The following SLC2A5 variants were observed in gnomAD, a reference collection of about 807,000 sequenced individuals.
SLC2A5 encodes solute carrier family 2, facilitated glucose transporter member 5.
SLC2A5 carries 56 observed loss-of-function variants against 50.3 expected under a neutral mutation model. The observed-to-expected ratio is 1.11, with a 90% CI of 0.90 to 1.39. The LOEUF (loss-of-function observed/expected upper bound fraction) is 1.39. Among genes scored for constraint, SLC2A5 ranks in the 40% most tolerant of loss-of-function variants. SLC2A5 has a pLI of 0.00. For missense variants in SLC2A5, 566 were observed against 650.1 expected, an observed-to-expected ratio of 0.87 and a Z score of 1.41; for synonymous variants, 269 against 281.9, an observed-to-expected ratio of 0.95 and a Z score of 0.46.
At chr1:9,065,218 G>A (rs1642050034) in intron 1 of SLC2A5, among the ~76,000 whole-genome samples, 1 of 152,072 alleles carries the variant, frequency 6.6e-6, no homozygotes, top group Non-Finnish European at 1.5e-5. Context: ...ACTTCCCAGT[G>A]TTTCCCAGGG....
At chr1:9,075,077 T>C (rs1184944343) in intron 2 of SLC2A5, among the ~76,000 whole-genome samples, 2 of 151,106 alleles carry the variant, frequency 1.3e-5, no homozygotes, top group African/African-American at 4.9e-5. Context: ...GGAGTCCTAA[T>C]TAGGGAAAAG....
chr1:9,057,998 G>A (rs1641807117), intron 2 of SLC2A5, among the ~76,000 whole-genome samples, 154 bp downstream of exon 2: 1 of 152,174 alleles, frequency 6.6e-6, no homozygotes, highest in Non-Finnish European at 1.5e-5. Context: ...CTGTGTCTGC[G>A]AGTTCCCTCG....
chr1:9,037,858 G>A, intron 11 of SLC2A5, 39 bp downstream of exon 11: 1 of 1,613,798 alleles, frequency 6.2e-7, no homozygotes, highest in Non-Finnish European at 8.5e-7. Context: ...GTACTGCATG[G>A]GGATCTGGTG....
intron 1 of SLC2A5, among the ~76,000 whole-genome samples, chr1:9,085,764 C>T (rs1223913057): frequency 6.6e-6 from 1 of 152,094 alleles, no homozygotes; most frequent in Non-Finnish European, 1.5e-5. Context: ...TGGTGCAGGA[C>T]GGGGCAGGTT....
At chr1:9,093,728 C>T in the SLC2A5 span, among the ~76,000 whole-genome samples, 26 of 152,280 alleles carry the variant, frequency 1.7e-4, no homozygotes, top group Admixed American at 6.5e-4. Context: ...CTCTATAAAC[C>T]TTACACAATC....
chr1:9,053,244 T>A (rs1330901807), intron 3 of SLC2A5, among the ~76,000 whole-genome samples: 1 of 61,852 alleles, frequency 1.6e-5, no homozygotes. Flanking sequence ...TATTTATATA[T>A]TATATTTATA....
At chr1:9,075,228 G>T (rs1013562896) in intron 2 of SLC2A5, among the ~76,000 whole-genome samples, 1 of 152,144 alleles carries the variant, frequency 6.6e-6, no homozygotes, top group Non-Finnish European at 1.5e-5. Flanking sequence ...CCCAGGAAGT[G>T]TAGCCCTCCT....
intron 3 of SLC2A5, among the ~76,000 whole-genome samples, chr1:9,052,232 C>T (rs1285226778): frequency 1.3e-5 from 2 of 151,952 alleles, no homozygotes; most frequent in Non-Finnish European, 2.9e-5. Context: ...TGCAGTGAGC[C>T]GAGATTGTGC....
Position 9,047,597 on chromosome 1 carries a change from T to C in SLC2A5, c.418+13A>G, listed in dbSNP as rs1217366045. 1.2e-6 allele frequency: 2 copies of C among 1,612,720 alleles called. No individual in the cohort carries two copies. The highest frequency in any genetic ancestry group is 1.7e-6 in the Non-Finnish European group (2 of 1,179,154). On this transcript the variant is annotated intron_variant, in intron 4 of 11. Coordinates refer to ENST00000377424, the MANE Select transcript of SLC2A5 (RefSeq NM_003039.3). ...ACCCTCACAGAATGGCAATACAGCA[T>C]AGCATTGTTTACCTGCACATATTCC...
chr1:9,087,470 C>T (rs550275960), intron 1 of SLC2A5, among the ~76,000 whole-genome samples: 16 of 152,272 alleles, frequency 1.1e-4, no homozygotes, highest in African/African-American at 3.4e-4. Flanking sequence ...TCCCAAAGTG[C>T]TGGAATTACA....
chr1:9,058,121 TC>T, intron 2 of SLC2A5, 30 bp downstream of exon 2: 7 of 1,543,700 alleles, frequency 4.5e-6, no homozygotes, highest in Non-Finnish European at 6.3e-6. Flanking sequence ...CCAAACGTCC[TC>T]CCCACATCTT....
chr1:9,043,715 C>A (rs1435106499), intron 4 of SLC2A5, among the ~76,000 whole-genome samples: 1 of 145,510 alleles, frequency 6.9e-6, no homozygotes, highest in Non-Finnish European at 1.5e-5. Context: ...AGAATCAGAG[C>A]AAAGTGGCTT....
At chr1:9,051,755 CAT>C (rs2124372639) in intron 3 of SLC2A5, among the ~76,000 whole-genome samples, 1 of 152,286 alleles carries the variant, frequency 6.6e-6, no homozygotes, top group East Asian at 1.9e-4. Context: ...TATCTGTACT[CAT>C]ATGATCCAGC....
At position 9,036,635 on chromosome 1, in the gene SLC2A5, T is replaced by G. The variant is rs997175883; in HGVS notation, c.*951A>C. The G allele has an allele frequency of 6.6e-6, 1 of 152,060 alleles. No individual in the cohort carries two copies. The highest frequency in any genetic ancestry group is 2.4e-5 in the African/African-American group (1 of 41,352). The allele number at this position is 152,060 out of a possible 1,614,324, so 9.4% of individuals were successfully genotyped here. A position where few individuals can be genotyped will look rare whatever the true frequency, so the allele number is the denominator to read the frequency against. ...GTGGGCGGATCATGAGGTCAGGAGATTGAGACTATCCTGGCCAACACAGTG... is the reference window on the plus strand; with the variant it reads ...GTGGGCGGATCATGAGGTCAGGAGAGTGAGACTATCCTGGCCAACACAGTG... On this transcript the variant is annotated 3_prime_UTR_variant, in exon 12 of 12. Transcript: ENST00000377424.
chr1:9,075,910 C>G (rs1457323595), intron 2 of SLC2A5, among the ~76,000 whole-genome samples: 3 of 152,046 alleles, frequency 2.0e-5, no homozygotes, highest in Non-Finnish European at 2.9e-5. Flanking sequence ...ATCCACCCAC[C>G]TCGGCCTCCC....
chr1:9,063,031 G>C (rs568521073), intron 1 of SLC2A5, among the ~76,000 whole-genome samples: 1 of 152,252 alleles, frequency 6.6e-6, no homozygotes, highest in Admixed American at 6.5e-5. Context: ...GACTACTGAG[G>C]ATGCAAATTA....
intron 1 of SLC2A5, among the ~76,000 whole-genome samples, chr1:9,062,490 G>A (rs1395233253): frequency 6.6e-6 from 1 of 152,160 alleles, no homozygotes; most frequent in Non-Finnish European, 1.5e-5. Context: ...CCACAGAAAA[G>A]ACTGGGTATT....
rs756783690 is a variant in SLC2A5, at chr1:9,039,864, A to T, written c.821T>A (p.Leu274Gln). 78 of 1,611,860 alleles carry T rather than the reference A, an allele frequency of 4.8e-5. No individual in the cohort carries two copies. Among genetic ancestry groups the T allele is most frequent in the Non-Finnish European group, 6.1e-5 (72 of 1,179,536 alleles). The change falls in exon 7 of 12, where the codon CTG (leucine) becomes CAG (glutamine). Residue 274 changes from leucine (L) to glutamine (Q), a missense_variant. Physicochemically the swap from Leu to Gln is moderately radical, Grantham distance 113 (BLOSUM62 -2). Coordinates refer to ENST00000377424, the MANE Select transcript of SLC2A5 (RefSeq NM_003039.3). ...GATGATGGACAGCAGCTGCCAGCGC[A>T]GCGAGCGCATCCGGAACAGCTTCAG... Reference protein sequence around the residue: ...SVLKLFRMRSLRWQLLSIIVL... With the variant: ...SVLKLFRMRSQRWQLLSIIVL...
intron 1 of SLC2A5, among the ~76,000 whole-genome samples, chr1:9,063,954 C>T (rs1307749246): frequency 7.7e-6 from 1 of 130,294 alleles, no homozygotes; most frequent in African/African-American, 3.4e-5. Flanking sequence ...CTCGGCCTCC[C>T]AAAGTGCTGG....
Sources: allele counts gnomAD v4.1 joint callset (sites outside exome capture counted in the v4.1 genomes callset), GRCh38; gene constraint gnomAD v4.1.1; transcripts MANE v1.5; gene names NCBI Gene and HGNC (gene_info 2026-07-23, HGNC 2026-07-21).